The following MCCC2 variants were observed in gnomAD, a reference collection of about 807,000 sequenced individuals.
MCCC2 encodes methylcrotonoyl-CoA carboxylase beta chain, mitochondrial.
In MCCC2, 52 loss-of-function variants were observed where a neutral mutation model predicts 77.2. That is an observed-to-expected ratio of 0.67 (90% confidence interval 0.54 to 0.85). The LOEUF (loss-of-function observed/expected upper bound fraction) is 0.85, where lower values mean the gene tolerates loss of function less well. MCCC2 is among the 40% of genes least tolerant of loss of function. The pLI is 0.00. For missense variants in MCCC2, 682 were observed against 703.2 expected, an observed-to-expected ratio of 0.97 and a Z score of 0.34; for synonymous variants, 253 against 248.4, an observed-to-expected ratio of 1.02 and a Z score of -0.18.
intron 6 of MCCC2, among the ~76,000 whole-genome samples, chr5:71,609,063 G>A (rs1447951077): frequency 3.3e-5 from 5 of 151,914 alleles, no homozygotes; most frequent in South Asian, 2.1e-4. Context: ...TGCTCTTCTC[G>A]AGGAGTATCT....
chr5:71,600,874 G>A (rs1372804839), intron 4 of MCCC2, among the ~76,000 whole-genome samples: 1 of 152,132 alleles, frequency 6.6e-6, no homozygotes, highest in African/African-American at 2.4e-5. Context: ...GGCAGTGATG[G>A]TCATAGGCAG....
At chr5:71,643,751 CTCTT>C (rs781418859) in intron 11 of MCCC2, 64 bp from the exon 12 acceptor site, 2 of 1,613,262 alleles carry the variant, frequency 1.2e-6, no homozygotes, top group Admixed American at 1.7e-5. Flanking sequence ...GTAAATATGC[CTCTT>C]TCTTGTGAAT....
intron 16 of MCCC2, among the ~76,000 whole-genome samples, chr5:71,653,366 T>C (rs1051630270): frequency 6.7e-6 from 1 of 149,784 alleles, no homozygotes; most frequent in Non-Finnish European, 1.5e-5. Context: ...GAAGACCTGC[T>C]GGTGCCTGCT....
chr5:71,598,808 G>A (rs1451241182), intron 3 of MCCC2, among the ~76,000 whole-genome samples: 1 of 151,974 alleles, frequency 6.6e-6, no homozygotes, highest in East Asian at 1.9e-4. Context: ...CTGGAGTGCA[G>A]TGGCACAGTC....
chr5:71,629,586 T>C (rs1422574983), intron 7 of MCCC2, among the ~76,000 whole-genome samples: 1 of 152,200 alleles, frequency 6.6e-6, no homozygotes, highest in Non-Finnish European at 1.5e-5. Flanking sequence ...AAGAATATGT[T>C]AAATAGAGCT....
At chr5:71,594,496 C>G (rs1329862653) in intron 2 of MCCC2, among the ~76,000 whole-genome samples, 3 of 145,964 alleles carry the variant, frequency 2.1e-5, no homozygotes, top group Admixed American at 7.0e-5. Flanking sequence ...CCATTGCACT[C>G]TAGCCTGGGT....
At chr5:71,600,079 C>T (rs534776271) in intron 4 of MCCC2, among the ~76,000 whole-genome samples, 21 of 152,124 alleles carry the variant, frequency 1.4e-4, no homozygotes, top group African/African-American at 4.1e-4. Flanking sequence ...GCAGGAGAAT[C>T]GCTTGAACCT....
Position 71,600,749 on chromosome 5 carries a change from T to A in MCCC2, c.383+989T>A, listed in dbSNP as rs185588538. On this transcript the variant is annotated intron_variant, in intron 4 of 16. Transcript: ENST00000340941. ...CTTATCTGGTGAGTCTGGGCATGGC[T>A]GTATCTGGGAGCTCAAATGGTCTTA... is the stretch of plus-strand genomic sequence containing the variant. Among the ~76,000 whole-genome samples, 644 of 152,332 alleles carry A rather than the reference T, an allele frequency of 4.2e-3. 2 individuals are homozygous for A. Among genetic ancestry groups the A allele is most frequent in the Admixed American group, 5.2e-3 (80 of 15,308 alleles).
chr5:71,643,772 C>T (rs1475470000), intron 11 of MCCC2, 47 bp from the exon 12 acceptor site: 1 of 1,613,660 alleles, frequency 6.2e-7, no homozygotes, highest in Non-Finnish European at 8.5e-7. Flanking sequence ...GAATTGAAGC[C>T]CTTGGAAAAG....
rs577956844 is a variant in MCCC2, at chr5:71,624,235, C to T, written c.625-2405C>T. Among the ~76,000 whole-genome samples the T allele has an allele frequency of 1.5e-4, 23 of 152,338 alleles. No homozygotes were observed. In the East Asian group the frequency reaches 2.7e-3, roughly 18 times the overall value. Reference sequence around the variant, plus strand: ...ATTACTCCCCAAAGGCCTCTGCCTCCGCATACCATCACTCTGGGGAGCAGG... The same window carrying T: ...ATTACTCCCCAAAGGCCTCTGCCTCTGCATACCATCACTCTGGGGAGCAGG... On this transcript the variant is annotated intron_variant, in intron 6 of 16. Transcript: ENST00000340941.
At chr5:71,615,261 G>A (rs1746124423) in intron 6 of MCCC2, among the ~76,000 whole-genome samples, 4 of 152,214 alleles carry the variant, frequency 2.6e-5, no homozygotes, top group South Asian at 2.1e-4. Context: ...GAGCCACCGC[G>A]CCCAGCCAAC....
Position 71,656,767 on chromosome 5 carries a change from T to C in MCCC2, c.1599T>C (p.Asp533=). The C allele has an allele frequency of 3.1e-6, 5 of 1,614,100 alleles. No individual in the cohort carries two copies. Among genetic ancestry groups the C allele is most frequent in the Non-Finnish European group, 4.2e-6 (5 of 1,179,968 alleles). Reference sequence around the variant, plus strand: ...GGGTATGGGATGATGGGATCATTGATCCAGCAGACACCAGACTGGTCTTGG... The same window carrying C: ...GGGTATGGGATGATGGGATCATTGACCCAGCAGACACCAGACTGGTCTTGG... ...SARVWDDGII[D]PADTRLVLGL... The change falls in exon 17 of 17, where the codon GAT becomes GAC. Residue 533 remains aspartate, a synonymous_variant. Coordinates refer to ENST00000340941, the MANE Select transcript of MCCC2 (RefSeq NM_022132.5).
intron 7 of MCCC2, 104 bp downstream of exon 7, chr5:71,626,857 T>A: frequency 9.3e-7 from 1 of 1,081,070 alleles, no homozygotes. Flanking sequence ...TGATAAAATA[T>A]GCATAACATA....
At chr5:71,610,574 G>A (rs1003660367) in intron 6 of MCCC2, among the ~76,000 whole-genome samples, 4 of 152,098 alleles carry the variant, frequency 2.6e-5, no homozygotes, top group African/African-American at 9.7e-5. Flanking sequence ...GTTCCTATTC[G>A]GCCATCTTGG....
At chr5:71,596,623 A>T (rs535444299) in intron 3 of MCCC2, among the ~76,000 whole-genome samples, 5 of 152,298 alleles carry the variant, frequency 3.3e-5, no homozygotes, top group African/African-American at 1.2e-4. Flanking sequence ...ATCATAGCAA[A>T]GGGAGACAGA....
intron 6 of MCCC2, among the ~76,000 whole-genome samples, chr5:71,621,692 A>C (rs912746264): frequency 5.9e-5 from 9 of 152,196 alleles, no homozygotes; most frequent in Admixed American, 4.6e-4. Context: ...TTCTGTCATC[A>C]GAATTTGCTT....
At chr5:71,644,969 CT>C (rs924229277) in intron 12 of MCCC2, among the ~76,000 whole-genome samples, 21 of 151,892 alleles carry the variant, frequency 1.4e-4, no homozygotes, top group South Asian at 4.2e-4. Context: ...TAATAGTTTC[CT>C]TTTTTTAAAA....
chr5:71,632,245 A>G, intron 8 of MCCC2, 60 bp downstream of exon 8: 1 of 1,557,976 alleles, frequency 6.4e-7, no homozygotes, highest in Non-Finnish European at 8.9e-7. Flanking sequence ...GTTTGTTTAA[A>G]AGAAGTTTTA....
At chr5:71,653,035 G>A (rs183635319) in intron 16 of MCCC2, among the ~76,000 whole-genome samples, 1 of 152,302 alleles carries the variant, frequency 6.6e-6, no homozygotes, top group East Asian at 1.9e-4. Context: ...GGGCCTGGAG[G>A]GGTCCTGCAG....
Sources: gnomAD v4.1 joint callset for allele counts (sites outside exome capture counted in the v4.1 genomes callset) on GRCh38, gnomAD v4.1.1 for gene constraint, MANE v1.5 for transcripts, NCBI Gene and HGNC (gene_info 2026-07-23, HGNC 2026-07-21) for gene names.